The following ADCY1 variants were observed in gnomAD, a reference collection of about 807,000 sequenced individuals.
ADCY1 encodes the protein adenylate cyclase type 1.
Under a neutral mutation model 105.4 loss-of-function variants are expected in ADCY1, and 28 were observed. The observed-to-expected ratio is 0.27, with a 90% CI of 0.20 to 0.36. ADCY1 has a LOEUF of 0.36. ADCY1 is among the 10% of genes least tolerant of loss of function. The pLI is 1.00. For missense variants in ADCY1, 977 were observed against 1,434.2 expected, an observed-to-expected ratio of 0.68 and a Z score of 5.15; for synonymous variants, 655 against 623.8, an observed-to-expected ratio of 1.05 and a Z score of -0.75.
chr7:45,640,618 G>A (rs1243798810), intron 4 of ADCY1, among the ~76,000 whole-genome samples: 2 of 152,160 alleles, frequency 1.3e-5, no homozygotes, highest in Admixed American at 6.6e-5. Flanking sequence ...ACAAAGATTG[G>A]CAGTCAGAGT....
At chr7:45,693,785 A>AT (rs1235842230) in intron 14 of ADCY1, among the ~76,000 whole-genome samples, 2 of 145,746 alleles carry the variant, frequency 1.4e-5, no homozygotes, top group Non-Finnish European at 3.0e-5. Context: ...CTATGCAGCC[A>AT]TAAAAAATGA....
At chr7:45,617,668 AT>A (rs1202732368) in intron 3 of ADCY1, among the ~76,000 whole-genome samples, 1 of 152,254 alleles carries the variant, frequency 6.6e-6, no homozygotes, top group Non-Finnish European at 1.5e-5. Context: ...CAAAAAATAA[AT>A]TTAACCAAGG....
chr7:45,594,510 T>G lies in ADCY1; in HGVS notation c.789+1602T>G, dbSNP rs1043259886. ...CTGCTTGTGTGCATTTCCTTTTCTT[T>G]TCCTCTTTTGTCTCCCTCCCATTTC... On this transcript the variant is annotated intron_variant, in intron 2 of 19. Coordinates refer to ENST00000297323, the MANE Select transcript of ADCY1 (RefSeq NM_021116.4). Among the ~76,000 whole-genome samples the G allele has an allele frequency of 2.6e-5, 4 of 152,216 alleles. No homozygotes were observed. The South Asian group carries it at 8.3e-4, about 32-fold the overall frequency.
At chr7:45,669,020 T>C (rs931166175) in intron 8 of ADCY1, among the ~76,000 whole-genome samples, 2 of 152,206 alleles carry the variant, frequency 1.3e-5, no homozygotes, top group African/African-American at 4.8e-5. Flanking sequence ...TTCTTCTCTC[T>C]TTTCTTCTTT....
intron 5 of ADCY1, among the ~76,000 whole-genome samples, chr7:45,651,291 T>C (rs916192319): frequency 6.6e-6 from 1 of 152,074 alleles, no homozygotes; most frequent in Non-Finnish European, 1.5e-5. Context: ...GACCCACCAG[T>C]GTGTGCTCTG....
At chr7:45,610,974 A>C (rs1240838911) in intron 3 of ADCY1, among the ~76,000 whole-genome samples, 3 of 95,630 alleles carry the variant, frequency 3.1e-5, no homozygotes, top group African/African-American at 1.3e-4. Flanking sequence ...GTGATGGTGG[A>C]GGTGGGGGGT....
In ADCY1 at chr7:45,575,432, G is replaced by T. The variant is rs1467623502; in HGVS notation, c.639+250G>T. Among the ~76,000 whole-genome samples, 1 of 152,252 alleles carries T rather than the reference G, an allele frequency of 6.6e-6. No homozygotes were observed. The highest frequency in any genetic ancestry group is 1.5e-5 in the Non-Finnish European group (1 of 68,046). On this transcript the variant is annotated intron_variant, in intron 1 of 19. Transcript: ENST00000297323. This position sits in a 1 kb window ranked among gnomAD's most constrained non-coding sequence, Gnocchi z 4.7. ...CGTGAAGTGTGGAGAGGGGAGACAGGTGTGGAGAGAGAAAGGTTTGGCCAA... is the reference window on the plus strand; with the variant it reads ...CGTGAAGTGTGGAGAGGGGAGACAGTTGTGGAGAGAGAAAGGTTTGGCCAA...
intron 4 of ADCY1, among the ~76,000 whole-genome samples, chr7:45,632,734 T>G (rs1227219808): frequency 1.3e-5 from 2 of 151,638 alleles, no homozygotes; most frequent in African/African-American, 2.4e-5. Context: ...CAGCTAATTT[T>G]TAAATTTTTT....
At chr7:45,655,748 G>A (rs1345752251) in intron 5 of ADCY1, among the ~76,000 whole-genome samples, 1 of 152,158 alleles carries the variant, frequency 6.6e-6, no homozygotes, top group African/African-American at 2.4e-5. Flanking sequence ...TTGCTTTGGT[G>A]AGCTCGAGGG....
Position 45,710,844 on chromosome 7 carries a change from C to T in ADCY1, c.3057+192C>T, listed in dbSNP as rs1785218764. On this transcript the variant is annotated intron_variant, in intron 19 of 19. Transcript: ENST00000297323. This position sits in a 1 kb window ranked among gnomAD's most constrained non-coding sequence, Gnocchi z 4.7. ...ATCTTGATTTTGCTGTTTGGTTTGTCATTTAGCCTTGGGGGCTGGCTCCTG... is the reference window on the plus strand; with the variant it reads ...ATCTTGATTTTGCTGTTTGGTTTGTTATTTAGCCTTGGGGGCTGGCTCCTG... Among the ~76,000 whole-genome samples the T allele has an allele frequency of 6.6e-6, 1 of 152,182 alleles. No individual in the cohort carries two copies. The highest frequency in any genetic ancestry group is 1.5e-5 in the Non-Finnish European group (1 of 68,036).
chr7:45,623,702 C>G (rs969477643), intron 4 of ADCY1, among the ~76,000 whole-genome samples: 21 of 152,194 alleles, frequency 1.4e-4, no homozygotes, highest in African/African-American at 5.1e-4. Context: ...TGCCATTCAC[C>G]TGGCACATCC....
At chr7:45,604,809 C>G (rs1221874077) in intron 2 of ADCY1, among the ~76,000 whole-genome samples, 1 of 152,028 alleles carries the variant, frequency 6.6e-6, no homozygotes. Flanking sequence ...AGTATTATTC[C>G]TTTTCCTTTA....
intron 3 of ADCY1, among the ~76,000 whole-genome samples, chr7:45,616,681 G>A (rs1444735050): frequency 6.6e-6 from 1 of 152,088 alleles, no homozygotes; most frequent in African/African-American, 2.4e-5. Flanking sequence ...TAAAAGCTAT[G>A]TATATGACAA....
intron 4 of ADCY1, among the ~76,000 whole-genome samples, chr7:45,646,064 C>T (rs577137302): frequency 6.6e-6 from 1 of 152,194 alleles, no homozygotes; most frequent in African/African-American, 2.4e-5. Flanking sequence ...TCCTGGCAAG[C>T]CCTGTGCATT....
chr7:45,716,526 C>T lies in ADCY1; in HGVS notation c.*2531C>T, dbSNP rs150252008. The T allele has an allele frequency of 3.5e-3, 529 of 153,156 alleles. 3 individuals are homozygous for T. Among genetic ancestry groups the T allele is most frequent in the African/African-American group, 0.012 (502 of 41,586 alleles). 9.5% of individuals were successfully genotyped at this position (153,156 alleles called of 1,614,324 possible). A position where few individuals can be genotyped will look rare whatever the true frequency, so the allele number is the denominator to read the frequency against. On this transcript the variant is annotated 3_prime_UTR_variant, in exon 20 of 20. Coordinates refer to ENST00000297323, the MANE Select transcript of ADCY1 (RefSeq NM_021116.4). The stretch of plus-strand genomic sequence containing the variant: ...TGCGGTGGTGGTGAGTGTGGCTGCC[C>T]TGGCTCCCCCAGCTCACCGTGGTGC...
At chr7:45,643,388 GTAA>G (rs1794576663) in intron 4 of ADCY1, among the ~76,000 whole-genome samples, 3 of 151,952 alleles carry the variant, frequency 2.0e-5, no homozygotes, top group African/African-American at 7.3e-5. Context: ...TCTAATGACA[GTAA>G]TATTATTTAT....
intron 3 of ADCY1, among the ~76,000 whole-genome samples, chr7:45,611,078 T>G (rs796713194): frequency 2.5e-5 from 3 of 121,152 alleles, no homozygotes; most frequent in Non-Finnish European, 5.2e-5. Context: ...AGTGGAGGTG[T>G]GGGGGTGATG....
At chr7:45,626,651 T>C (rs1204440954) in intron 4 of ADCY1, among the ~76,000 whole-genome samples, 1 of 152,204 alleles carries the variant, frequency 6.6e-6, no homozygotes, top group Non-Finnish European at 1.5e-5. Flanking sequence ...ACTACAACTC[T>C]GGTGTAAATT....
chr7:45,608,764 T>TGGA (rs1347599792), intron 2 of ADCY1, among the ~76,000 whole-genome samples: 2 of 151,886 alleles, frequency 1.3e-5, no homozygotes, highest in East Asian at 3.9e-4. Flanking sequence ...GGTGCCAAGG[T>TGGA]GGAGGCCACA....
Sources: allele counts gnomAD v4.1 joint callset (sites outside exome capture counted in the v4.1 genomes callset), GRCh38; gene constraint gnomAD v4.1.1; non-coding constraint Gnocchi (gnomAD v3.1); transcripts MANE v1.5; gene names NCBI Gene and HGNC (gene_info 2026-07-23, HGNC 2026-07-21).